GRIK3: variants seen among roughly 807,000 people sequenced by gnomAD.
The protein encoded by GRIK3 is glutamate receptor ionotropic, kainate 3.
GRIK3 carries 29 observed loss-of-function variants against 102.5 expected under a neutral mutation model. The observed-to-expected ratio is 0.28, with a 90% CI of 0.21 to 0.39. The LOEUF (loss-of-function observed/expected upper bound fraction) is 0.39. Among genes scored for constraint, GRIK3 ranks in the 10% least tolerant of loss-of-function variants. The pLI is 1.00. For missense variants in GRIK3, 908 were observed against 1,252.4 expected (o/e 0.73, Z 4.15); for synonymous variants, 511 against 504.9 (o/e 1.01, Z -0.16).
intron 1 of GRIK3, among the ~76,000 whole-genome samples, chr1:36,996,713 GTC>G (rs1287709022): frequency 6.6e-6 from 1 of 152,214 alleles, no homozygotes; most frequent in Non-Finnish European, 1.5e-5. Flanking sequence ...GAACAGCGGT[GTC>G]TCTGTCTGTA....
chr1:36,853,491 A>G (rs528871182), intron 8 of GRIK3, 124 bp downstream of exon 8: 13 of 659,006 alleles, frequency 2.0e-5, no homozygotes, highest in African/African-American at 1.3e-4. Context: ...GACCAAGTCA[A>G]TCCCTGAGGG....
chr1:37,015,255 C>G (rs966831326), intron 1 of GRIK3, among the ~76,000 whole-genome samples: 2 of 152,156 alleles, frequency 1.3e-5, no homozygotes, highest in Non-Finnish European at 2.9e-5. Context: ...GCAAAGGGAG[C>G]CTGTGGGGAT....
intron 15 of GRIK3, among the ~76,000 whole-genome samples, chr1:36,804,260 C>A (rs1642473996): frequency 6.6e-6 from 1 of 152,194 alleles, no homozygotes; most frequent in South Asian, 2.1e-4. Context: ...GTTGTGCTTC[C>A]CCCAGCCCAG....
chr1:36,937,724 C>T (rs1641675310), intron 1 of GRIK3, among the ~76,000 whole-genome samples: 2 of 152,142 alleles, frequency 1.3e-5, no homozygotes, highest in Admixed American at 6.5e-5. Flanking sequence ...TCTTTGGAAA[C>T]AGCCATTCCA....
chr1:36,818,788 G>A (rs746448202), intron 12 of GRIK3, among the ~76,000 whole-genome samples: 2 of 152,220 alleles, frequency 1.3e-5, no homozygotes, highest in African/African-American at 2.4e-5. Context: ...AGATGACTGA[G>A]GGACAAGGAC....
At chr1:36,836,509 A>G (rs1640380944) in intron 10 of GRIK3, among the ~76,000 whole-genome samples, 1 of 152,232 alleles carries the variant, frequency 6.6e-6, no homozygotes, top group Non-Finnish European at 1.5e-5. Flanking sequence ...TGGCACTTCT[A>G]GCTGTGCCAC....
intron 9 of GRIK3, among the ~76,000 whole-genome samples, chr1:36,849,427 C>T (rs1181966053): frequency 6.6e-6 from 1 of 152,162 alleles, no homozygotes; most frequent in Non-Finnish European, 1.5e-5. Flanking sequence ...AGCATATGGT[C>T]CTTATAAATA....
chr1:36,881,066 C>G lies in GRIK3; in HGVS notation c.293-175G>C, dbSNP rs550015589. On this transcript the variant is annotated intron_variant, in intron 2 of 15. Coordinates refer to ENST00000373091, the MANE Select transcript of GRIK3 (RefSeq NM_000831.4). ...CCTCATCTGAAAACAGGGGTTCTAACAGTCCCTGCCTTGCAAGACCACATG... is the reference window on the plus strand; with the variant it reads ...CCTCATCTGAAAACAGGGGTTCTAAGAGTCCCTGCCTTGCAAGACCACATG... Among the ~76,000 whole-genome samples the G allele has an allele frequency of 1.8e-4, 28 of 152,280 alleles. No homozygotes were observed. The South Asian group carries it at 5.8e-3, about 32-fold the overall frequency.
At chr1:36,883,770 GTCCAGATTGA>G (rs1013224194) in intron 2 of GRIK3, among the ~76,000 whole-genome samples, 2 of 152,322 alleles carry the variant, frequency 1.3e-5, no homozygotes, top group South Asian at 2.1e-4. Context: ...CTTAAGGATG[GTCCAGATTGA>G]TCCAGATTGA....
Position 37,031,921 on chromosome 1 carries a change from G to A in GRIK3, c.115+2073C>T, listed in dbSNP as rs555737775. On this transcript the variant is annotated intron_variant, in intron 1 of 15. Coordinates refer to ENST00000373091, the MANE Select transcript of GRIK3 (RefSeq NM_000831.4). ...AGGCCTCAGAGTCCTCCCATCCTCC[G>A]CCCAAACTGGCACAGCTCTGGCAGT... 1.6e-4 allele frequency among the ~76,000 whole-genome samples: 25 copies of A among 152,192 alleles called. No individual in the cohort carries two copies. The South Asian group carries it at 4.2e-3, about 25-fold the overall frequency.
intron 10 of GRIK3, among the ~76,000 whole-genome samples, chr1:36,838,836 G>A (rs1475056408): frequency 6.6e-6 from 1 of 152,216 alleles, no homozygotes; most frequent in African/African-American, 2.4e-5. Flanking sequence ...TGGTTATGAT[G>A]TTATTAAAAA....
chr1:36,860,615 T>TTGAGAC (rs1474835466), intron 5 of GRIK3, among the ~76,000 whole-genome samples: 10 of 152,056 alleles, frequency 6.6e-5, no homozygotes, highest in African/African-American at 2.4e-4. Flanking sequence ...CTGCCAAGGG[T>TTGAGAC]CCAGGAGAAC....
At position 36,805,936 on chromosome 1, in the gene GRIK3, CAAAAAAA is replaced by C. The variant is rs749853809; in HGVS notation, c.2314+161_2314+167del. 7.1e-3 allele frequency among the ~76,000 whole-genome samples: 224 copies of C among 31,582 alleles called. 2 individuals carry two copies. Among genetic ancestry groups the C allele is most frequent in the African/African-American group, 0.028 (209 of 7,466 alleles). 20.7% of individuals were successfully genotyped at this position (31,582 alleles called of 152,430 possible). A position where few individuals can be genotyped will look rare whatever the true frequency, so the allele number is the denominator to read the frequency against. On this transcript the variant is annotated intron_variant, in intron 14 of 15. Coordinates refer to ENST00000373091, the MANE Select transcript of GRIK3 (RefSeq NM_000831.4). The stretch of plus-strand genomic sequence containing the variant: ...GGGCAACAAAAGCGAAACTCCACCT[CAAAAAAA>C]AAAAAAAAAAAAAAAAAAGAAAAGA...
At chr1:36,913,255 C>T (rs1641366294) in intron 1 of GRIK3, among the ~76,000 whole-genome samples, 1 of 152,192 alleles carries the variant, frequency 6.6e-6, no homozygotes. Context: ...GAGAACCCTG[C>T]CACCAGCAGC....
intron 1 of GRIK3, among the ~76,000 whole-genome samples, chr1:36,891,600 A>G (rs1641117604): frequency 1.3e-5 from 2 of 152,256 alleles, no homozygotes; most frequent in South Asian, 4.1e-4. Context: ...GCACCAGAAG[A>G]AATACTTCCT....
chr1:37,009,004 C>T (rs1642560656), intron 1 of GRIK3, among the ~76,000 whole-genome samples: 1 of 152,110 alleles, frequency 6.6e-6, no homozygotes. Flanking sequence ...CCACCATTTA[C>T]TTGCTGTGTG....
In GRIK3 at chr1:36,880,070, T is replaced by C. The variant is rs4653227; in HGVS notation, c.550+564A>G. On this transcript the variant is annotated intron_variant, in intron 3 of 15. Transcript: ENST00000373091. The surrounding 1 kb of genome is among the most constrained non-coding windows in gnomAD (Gnocchi z 5.4). ...ACCTTCAGCGCTCACTGCATGTCAG[T>C]GCTTGTCACTGTCATCTTGTAATCC... 6.6e-6 allele frequency among the ~76,000 whole-genome samples: 1 copy of C among 152,130 alleles called. No homozygotes were observed. The highest frequency in any genetic ancestry group is 6.5e-5 in the Admixed American group (1 of 15,280).
intron 1 of GRIK3, among the ~76,000 whole-genome samples, chr1:37,030,533 CCACCCCCCACCCCCT>C: frequency 1.9e-5 from 2 of 107,068 alleles, no homozygotes; most frequent in South Asian, 4.0e-4. Context: ...TTCCTTTTCC[CCACCCCCCACCCCCT>C]CCCCCCCCCC....
At chr1:36,825,469 G>T (rs1642745402) in intron 11 of GRIK3, 134 bp downstream of exon 11, 1 of 545,140 alleles carries the variant, frequency 1.8e-6, no homozygotes, top group Non-Finnish European at 3.2e-6. Context: ...TGAGCCATAG[G>T]GAGTGGAAGA....
Sources: gnomAD v4.1 joint callset for allele counts (sites outside exome capture counted in the v4.1 genomes callset) on GRCh38, gnomAD v4.1.1 for gene constraint, Gnocchi (gnomAD v3.1) non-coding constraint, MANE v1.5 for transcripts, NCBI Gene and HGNC (gene_info 2026-07-23, HGNC 2026-07-21) for gene names.